The following FAM53A variants were observed in gnomAD, a reference collection of about 807,000 sequenced individuals.
FAM53A encodes protein FAM53A.
FAM53A carries 28 observed loss-of-function variants against 26.6 expected under a neutral mutation model. The ratio of observed to expected loss-of-function variants is 1.05; its 90% CI spans 0.78 to 1.45. The LOEUF is 1.45. Ranked by LOEUF, FAM53A falls within the 40% of genes most tolerant of loss-of-function variation. The pLI, the probability that FAM53A is intolerant of heterozygous loss-of-function variation, is 0.00. For missense variants in FAM53A, 650 were observed against 575.8 expected, an observed-to-expected ratio of 1.13 and a Z score of -1.32; for synonymous variants, 290 against 253.1, an observed-to-expected ratio of 1.15 and a Z score of -1.38.
chr4:1,655,405 C>T lies in FAM53A; in HGVS notation c.455G>A (p.Arg152Gln), dbSNP rs1332967765. 8.1e-6 allele frequency: 12 copies of T among 1,473,762 alleles called. No homozygotes were observed. The highest frequency in any genetic ancestry group is 2.9e-5 in the African/African-American group (2 of 68,600). The allele number at this position is 1,473,762 out of a possible 1,614,324, so 91.3% of individuals were successfully genotyped here. A position where few individuals can be genotyped will look rare whatever the true frequency, so the allele number is the denominator to read the frequency against. ...CGTGGCACTCCCGCCGCTGTCGCACCGCCTCTTGGAGACTGGAGTCCAGAC... is the reference window on the plus strand; with the variant it reads ...CGTGGCACTCCCGCCGCTGTCGCACTGCCTCTTGGAGACTGGAGTCCAGAC... Reference protein sequence around the residue: ...SKVWTPVSKRRCDSGGSATRQ... With the variant: ...SKVWTPVSKRQCDSGGSATRQ... Residue 152 changes from arginine to glutamine, a missense_variant, in exon 4 of 5, where the codon CGG becomes CAG. Arg to Gln is a conservative substitution (Grantham distance 43). Coordinates refer to ENST00000308132, the MANE Select transcript of FAM53A (RefSeq NM_001174070.3).
chr4:1,614,278 C>T (rs1172225127), downstream of FAM53A, among the ~76,000 whole-genome samples: 37 of 151,994 alleles, frequency 2.4e-4, no homozygotes, highest in Admixed American at 2.2e-3. Flanking sequence ...GGCCACACAG[C>T]CAAAGTCACG....
chr4:1,581,905 T>G, the FAM53A span, among the ~76,000 whole-genome samples: 2 of 151,606 alleles, frequency 1.3e-5, no homozygotes, highest in African/African-American at 4.9e-5. Flanking sequence ...TTTTTTTTTT[T>G]TGATATAGGG....
At chr4:1,619,335 C>T (rs114034297) in intron 1 of FAM53A, among the ~76,000 whole-genome samples, 1,609 of 152,306 alleles carry the variant, frequency 0.011, 37 homozygotes, top group African/African-American at 0.035. Flanking sequence ...GCCAACGACC[C>T]GGCCTCACCA....
At chr4:1,623,084 C>T (rs1318840653) in intron 1 of FAM53A, among the ~76,000 whole-genome samples, 3 of 152,238 alleles carry the variant, frequency 2.0e-5, no homozygotes, top group Non-Finnish European at 4.4e-5. Flanking sequence ...CTGTGCCTCC[C>T]ACTGTGGCCA....
At chr4:1,658,525 G>A (rs1713586760) in intron 2 of FAM53A, among the ~76,000 whole-genome samples, 1 of 152,226 alleles carries the variant, frequency 6.6e-6, no homozygotes, top group Non-Finnish European at 1.5e-5. Flanking sequence ...CCTAAGCCAG[G>A]CTCTGGAGTG....
chr4:1,590,947 A>G, the FAM53A span, among the ~76,000 whole-genome samples: 1 of 101,838 alleles, frequency 9.8e-6, no homozygotes. Flanking sequence ...AGACTATATT[A>G]TTTAATGCAT....
In FAM53A at chr4:1,680,337, A is replaced by AAAC. The variant is rs1553814427; in HGVS notation, c.-165+3895_-165+3896insGTT. 1.7e-4 allele frequency among the ~76,000 whole-genome samples: 25 copies of AAAC among 148,046 alleles called. 2 individuals carry two copies. In the South Asian group the frequency reaches 5.4e-3, roughly 32 times the overall value. The stretch of plus-strand genomic sequence containing the variant: ...TCCGTCTCAAAAAAAAAAAAAAAAA[A>AAAC]AAAAAAAACACACCACTACACACAA... On this transcript the variant is annotated intron_variant, in intron 1 of 4. Transcript: ENST00000308132.
At chr4:1,610,200 G>C in the FAM53A span, among the ~76,000 whole-genome samples, 2 of 151,882 alleles carry the variant, frequency 1.3e-5, no homozygotes, top group Non-Finnish European at 2.9e-5. Flanking sequence ...ACAGCAGCTT[G>C]TCCCCCTTCC....
In FAM53A at chr4:1,684,296, G is replaced by C. The variant is rs1005776898; in HGVS notation, c.-228C>G. On this transcript the variant is annotated 5_prime_UTR_variant, in exon 1 of 5. Transcript: ENST00000308132. ...CGGCCGCCCAGGCCCCGCTCGCTCA[G>C]GGCGACGCGCCTCAGCCGCGGCGGA... is the stretch of plus-strand genomic sequence containing the variant. 6.0e-5 allele frequency: 9 copies of C among 150,812 alleles called. No homozygotes were observed. The highest frequency in any genetic ancestry group is 1.9e-4 in the African/African-American group (8 of 41,168). The allele number at this position is 150,812 out of a possible 1,614,324, so 9.3% of individuals were successfully genotyped here. A position where few individuals can be genotyped will look rare whatever the true frequency, so the allele number is the denominator to read the frequency against.
intron 1 of FAM53A, among the ~76,000 whole-genome samples, chr4:1,677,435 G>A (rs920779345): frequency 1.2e-4 from 19 of 152,108 alleles, no homozygotes; most frequent in African/African-American, 4.6e-4. Context: ...CACCCCCAAG[G>A]GCTCCCTCCT....
intron 4 of FAM53A, among the ~76,000 whole-genome samples, chr4:1,650,930 T>C (rs1166748332): frequency 6.6e-5 from 10 of 151,614 alleles, no homozygotes. Context: ...GATATCAAGA[T>C]TGAGCTGGCT....
chr4:1,632,160 T>A (rs1248499396), intron 1 of FAM53A, among the ~76,000 whole-genome samples: 2 of 104,598 alleles, frequency 1.9e-5, no homozygotes, highest in South Asian at 3.1e-4. Flanking sequence ...TAAGATTCCA[T>A]CTCAAAAAAA....
intron 1 of FAM53A, among the ~76,000 whole-genome samples, chr4:1,677,140 T>TCCTC (rs1715100949): frequency 6.6e-6 from 1 of 152,106 alleles, no homozygotes; most frequent in Non-Finnish European, 1.5e-5. Context: ...AGACCACACC[T>TCCTC]CTTCTCTCCT....
At chr4:1,575,762 A>T in the FAM53A span, among the ~76,000 whole-genome samples, 1 of 152,232 alleles carries the variant, frequency 6.6e-6, no homozygotes, top group African/African-American at 2.4e-5. Flanking sequence ...AGCTGGGGGC[A>T]GAATGAGGAG....
chr4:1,679,379 A>C (rs145790011), intron 1 of FAM53A, among the ~76,000 whole-genome samples: 14,309 of 115,760 alleles, frequency 0.12, 1,066 homozygotes, highest in Non-Finnish European at 0.17. Context: ...GGGTGAGACC[A>C]TGTCTCCAAA....
At chr4:1,628,549 T>G (rs1270089155) in intron 1 of FAM53A, among the ~76,000 whole-genome samples, 1 of 2,096 alleles carries the variant, frequency 4.8e-4, no homozygotes, top group Admixed American at 5.1e-3. Context: ...GGGGGGAGGG[T>G]GGCATGGGGG....
chr4:1,637,662 G>A (rs1715907683), downstream of FAM53A, among the ~76,000 whole-genome samples: 2 of 151,964 alleles, frequency 1.3e-5, no homozygotes, highest in African/African-American at 4.8e-5. Flanking sequence ...GGCAGGGGTG[G>A]GCCACTGCAG....
intron 4 of FAM53A, among the ~76,000 whole-genome samples, chr4:1,653,572 A>G (rs1344037177): frequency 6.6e-6 from 1 of 152,174 alleles, no homozygotes; most frequent in Non-Finnish European, 1.5e-5. Flanking sequence ...CTATGTCCAA[A>G]GCTTGCCACC....
chr4:1,625,251 G>C (rs12510793), intron 1 of FAM53A, among the ~76,000 whole-genome samples: 1 of 55,722 alleles, frequency 1.8e-5, no homozygotes. Flanking sequence ...TGATCAGAAG[G>C]CCCCACGTCC....
Sources: gnomAD v4.1 joint callset for allele counts (sites outside exome capture counted in the v4.1 genomes callset) on GRCh38, gnomAD v4.1.1 for gene constraint, MANE v1.5 for transcripts, NCBI Gene and HGNC (gene_info 2026-07-23, HGNC 2026-07-21) for gene names.